The following RAB28 variants were observed in gnomAD, a reference collection of about 807,000 sequenced individuals.
RAB28 encodes the protein ras-related protein Rab-28.
In RAB28, 24 loss-of-function variants were observed where a neutral mutation model predicts 31.7. That is an observed-to-expected ratio of 0.76 (90% CI 0.55 to 1.06). RAB28 has a LOEUF of 1.06. Among genes scored for constraint, RAB28 ranks in the 50% least tolerant of loss-of-function variants. RAB28 has a pLI of 0.00. For synonymous variants in RAB28, 100 were observed against 90.4 expected (o/e 1.11, Z -0.60); for missense variants, 254 against 258.5 (o/e 0.98, Z 0.12).
intron 3 of RAB28, among the ~76,000 whole-genome samples, chr4:13,464,706 G>C (rs1157738466): frequency 6.6e-6 from 1 of 152,078 alleles, no homozygotes; most frequent in Non-Finnish European, 1.5e-5. Flanking sequence ...ATGCAGCACA[G>C]TGTAAAGCCT....
chr4:13,426,160 G>C (rs1713470116), intron 4 of RAB28, among the ~76,000 whole-genome samples: 1 of 152,040 alleles, frequency 6.6e-6, no homozygotes, highest in African/African-American at 2.4e-5. Context: ...CTTAAAACTG[G>C]AGATCATCTC....
At chr4:13,428,046 TGG>T (rs1577205023) in intron 4 of RAB28, among the ~76,000 whole-genome samples, 1 of 152,162 alleles carries the variant, frequency 6.6e-6, no homozygotes, top group East Asian at 1.9e-4. Flanking sequence ...GGTACATAAC[TGG>T]GGGCTGCATG....
chr4:13,475,263 A>G (rs1396955035), intron 2 of RAB28, among the ~76,000 whole-genome samples: 1 of 151,620 alleles, frequency 6.6e-6, no homozygotes, highest in Non-Finnish European at 1.5e-5. Context: ...TCCCTTCTCA[A>G]TGCAACTGAT....
intron 4 of RAB28, among the ~76,000 whole-genome samples, chr4:13,383,785 C>T (rs575280532): frequency 1.3e-5 from 2 of 152,284 alleles, no homozygotes; most frequent in East Asian, 1.9e-4. Flanking sequence ...TCTTGCCTGA[C>T]GCCATGTAAG....
intron 4 of RAB28, among the ~76,000 whole-genome samples, chr4:13,454,489 G>A (rs893597291): frequency 6.6e-6 from 1 of 152,206 alleles, no homozygotes; most frequent in African/African-American, 2.4e-5. Context: ...GATAAGAAGA[G>A]ACTTACTCAT....
intron 5 of RAB28, among the ~76,000 whole-genome samples, chr4:13,378,114 A>G (rs1728993397): frequency 6.6e-6 from 1 of 152,176 alleles, no homozygotes; most frequent in Non-Finnish European, 1.5e-5. Flanking sequence ...AAGACTAAAT[A>G]AAGCCATTAG....
chr4:13,420,246 G>A (rs1713048650), intron 4 of RAB28, among the ~76,000 whole-genome samples: 1 of 152,166 alleles, frequency 6.6e-6, no homozygotes, highest in African/African-American at 2.4e-5. Context: ...AACAGGCTCT[G>A]AGCCTGAGGC....
chr4:13,370,705 C>T (rs1399341592), intron 6 of RAB28: 59 of 984,674 alleles, frequency 6.0e-5, no homozygotes, highest in South Asian at 2.4e-4. Context: ...CCATTCCTCC[C>T]GATCCTAACC....
intron 4 of RAB28, among the ~76,000 whole-genome samples, chr4:13,421,686 C>A (rs192226526): frequency 0.014 from 2,089 of 152,292 alleles, 24 homozygotes; most frequent in Middle Eastern, 0.044. Context: ...GCTAGGAAAA[C>A]TGGTTAGCCA....
chr4:13,471,298 G>A (rs1320207757), intron 3 of RAB28, among the ~76,000 whole-genome samples: 1 of 151,972 alleles, frequency 6.6e-6, no homozygotes, highest in Non-Finnish European at 1.5e-5. Context: ...AATGCTATTA[G>A]GATGTTTTTG....
At chr4:13,384,716 G>A (rs924839739) in intron 4 of RAB28, among the ~76,000 whole-genome samples, 1 of 152,118 alleles carries the variant, frequency 6.6e-6, no homozygotes, top group African/African-American at 2.4e-5. Flanking sequence ...AAAGTCCAAA[G>A]ATCAGCAACA....
At chr4:13,450,479 C>A (rs185109790) in intron 4 of RAB28, among the ~76,000 whole-genome samples, 1 of 151,946 alleles carries the variant, frequency 6.6e-6, no homozygotes, top group East Asian at 1.9e-4. Flanking sequence ...TTAAAAAAAT[C>A]ATTTTCCCTG....
chr4:13,405,049 T>C (rs944967187), intron 4 of RAB28, among the ~76,000 whole-genome samples: 4 of 152,068 alleles, frequency 2.6e-5, no homozygotes, highest in Non-Finnish European at 4.4e-5. Context: ...ATCCAACATA[T>C]TTGTGTAGAA....
rs1176126692 is a variant in RAB28, at chr4:13,389,422, T to C, written c.392-7828A>G. 2.0e-5 allele frequency among the ~76,000 whole-genome samples: 3 copies of C among 152,242 alleles called. No homozygotes were observed. In the South Asian group the frequency reaches 6.2e-4, roughly 32 times the overall value. On this transcript the variant is annotated intron_variant, in intron 4 of 6. Coordinates refer to ENST00000330852, the MANE Select transcript of RAB28 (RefSeq NM_001017979.3). Reference sequence around the variant, plus strand: ...ACAGTAACACTACTGAACTGTACACTTGAAATGGTTAAGATGGTAAATTTT... The same window carrying C: ...ACAGTAACACTACTGAACTGTACACCTGAAATGGTTAAGATGGTAAATTTT...
At chr4:13,435,017 C>CAAAAAAAAAAAAAAAAAAAA (rs991889676) in intron 4 of RAB28, among the ~76,000 whole-genome samples, 1 of 47,046 alleles carries the variant, frequency 2.1e-5, no homozygotes, top group African/African-American at 7.2e-5. Context: ...GACTCCGTCT[C>CAAAAAAAAAAAAAAAAAAAA]AAAAAAAAAA....
At chr4:13,428,667 A>T (rs1577205699) in intron 4 of RAB28, among the ~76,000 whole-genome samples, 1 of 152,314 alleles carries the variant, frequency 6.6e-6, no homozygotes, top group East Asian at 1.9e-4. Flanking sequence ...AAAGCCTCAA[A>T]AAACTGTGGG....
chr4:13,459,896 G>C lies in RAB28; in HGVS notation c.391+803C>G, dbSNP rs1038141656. ...TCATAAAATCTGCAGCTGTGTTGCT[G>C]TTCTTCATAATCCATGCTGCTTTCC... On this transcript the variant is annotated intron_variant, in intron 4 of 6. Transcript: ENST00000330852. The C allele has an allele frequency of 3.1e-6, 4 of 1,289,184 alleles. No homozygotes were observed. In the African/African-American group the frequency reaches 4.6e-5, roughly 15 times the overall value. 79.9% of individuals were successfully genotyped at this position (1,289,184 alleles called of 1,614,324 possible).
chr4:13,438,492 T>C (rs1266916023), intron 4 of RAB28, among the ~76,000 whole-genome samples: 2 of 152,194 alleles, frequency 1.3e-5, no homozygotes, highest in African/African-American at 4.8e-5. Flanking sequence ...GATTTACTTA[T>C]TTTGAAAACT....
chr4:13,463,626 T>G (rs1311660284), intron 3 of RAB28, among the ~76,000 whole-genome samples: 1 of 151,850 alleles, frequency 6.6e-6, no homozygotes, highest in African/African-American at 2.4e-5. Context: ...ATTTTTCAGT[T>G]GGTGATTCCT....
Sources: allele counts gnomAD v4.1 joint callset (sites outside exome capture counted in the v4.1 genomes callset), GRCh38; gene constraint gnomAD v4.1.1; transcripts MANE v1.5; gene names NCBI Gene and HGNC (gene_info 2026-07-23, HGNC 2026-07-21).